GALNT2: variants seen among roughly 807,000 people sequenced by gnomAD.
The protein encoded by GALNT2 is polypeptide N-acetylgalactosaminyltransferase 2, also known as UDP-GalNAc:polypeptide N-acetylgalactosaminyltransferase 2.
In GALNT2, 31 loss-of-function variants were observed where a neutral mutation model predicts 81.4. That is an observed-to-expected ratio of 0.38 (90% CI 0.29 to 0.51). The LOEUF is 0.51. GALNT2 is among the 20% of genes least tolerant of loss of function. The pLI, the probability that GALNT2 is intolerant of heterozygous loss-of-function variation, is 0.87. For synonymous variants in GALNT2, 303 were observed against 287.4 expected (o/e 1.05, Z -0.55); for missense variants, 629 against 765.7 (o/e 0.82, Z 2.11).
At chr1:230,187,627 A>G (rs1433713103) in intron 2 of GALNT2, among the ~76,000 whole-genome samples, 3 of 152,058 alleles carry the variant, frequency 2.0e-5, no homozygotes, top group Non-Finnish European at 2.9e-5. Flanking sequence ...TTTTGCATCC[A>G]CCCTCTTGGT....
intron 7 of GALNT2, among the ~76,000 whole-genome samples, chr1:230,244,941 T>C (rs1665318053): frequency 6.6e-6 from 1 of 152,224 alleles, no homozygotes; most frequent in African/African-American, 2.4e-5. Context: ...GTTGTATTTC[T>C]AAATCTTTCT....
At chr1:230,258,507 G>A (rs1232064383) in intron 11 of GALNT2, among the ~76,000 whole-genome samples, 1 of 152,138 alleles carries the variant, frequency 6.6e-6, no homozygotes, top group Non-Finnish European at 1.5e-5. Flanking sequence ...TTATAGACGT[G>A]AGCCACCGTG....
chr1:230,221,469 G>A (rs1664544700), intron 3 of GALNT2, among the ~76,000 whole-genome samples: 1 of 152,136 alleles, frequency 6.6e-6, no homozygotes, highest in Non-Finnish European at 1.5e-5. Flanking sequence ...CTTTATTTTA[G>A]GTTTTGAATG....
chr1:230,061,343 G>C (rs1007499732), intron 1 of GALNT2, among the ~76,000 whole-genome samples: 1 of 151,644 alleles, frequency 6.6e-6, no homozygotes, highest in Non-Finnish European at 1.5e-5. Context: ...GAAAAGCCTA[G>C]CTCCCCAAAA....
In GALNT2 at chr1:230,138,540, A is replaced by AAAG. The variant is rs1553260245; in HGVS notation, c.127-39676_127-39675insGAA. ...ACTCTGTCTCAAAAAAAAAAAAAAA[A>AAAG]AAAATGAAACAGAAGAAAGAATGGC... On this transcript the variant is annotated intron_variant, in intron 1 of 15. Coordinates refer to ENST00000366672, the MANE Select transcript of GALNT2 (RefSeq NM_004481.5). Among the ~76,000 whole-genome samples, 122 of 150,300 alleles carry AAAG rather than the reference A, an allele frequency of 8.1e-4. 2 individuals carry two copies. The highest frequency in any genetic ancestry group is 2.7e-3 in the African/African-American group (111 of 40,394).
chr1:230,113,276 G>A lies in GALNT2; in HGVS notation c.126+45870G>A, dbSNP rs554914276. The stretch of plus-strand genomic sequence containing the variant: ...GAGAGTGAGGAGCTGCTGAAAAAGG[G>A]TGAGTTTTGTTCTCTTCTTCCAGGG... On this transcript the variant is annotated intron_variant, in intron 1 of 15. Transcript: ENST00000366672. 2.6e-5 allele frequency among the ~76,000 whole-genome samples: 4 copies of A among 152,218 alleles called. No homozygotes were observed. The South Asian group carries it at 8.3e-4, about 32-fold the overall frequency.
intron 1 of GALNT2, among the ~76,000 whole-genome samples, chr1:230,124,354 C>T (rs757948169): frequency 5.3e-5 from 8 of 152,158 alleles, no homozygotes; most frequent in Admixed American, 2.0e-4. Flanking sequence ...GTCTATCACC[C>T]GCAAGAGCCC....
intron 1 of GALNT2, among the ~76,000 whole-genome samples, chr1:230,175,907 C>T (rs1036655863): frequency 6.6e-6 from 1 of 151,864 alleles, no homozygotes; most frequent in South Asian, 2.1e-4. Context: ...CATAAAGGGC[C>T]AGATTTAGCT....
upstream of GALNT2, among the ~76,000 whole-genome samples, chr1:230,063,041 G>A (rs570133193): frequency 1.3e-5 from 2 of 151,982 alleles, no homozygotes; most frequent in African/African-American, 4.8e-5. Context: ...GGCTGGGCGC[G>A]GTGGCTCACA....
chr1:230,254,511 A>C (rs1205788314), intron 10 of GALNT2, among the ~76,000 whole-genome samples: 1 of 152,162 alleles, frequency 6.6e-6, no homozygotes, highest in African/African-American at 2.4e-5. Flanking sequence ...CATAGTCCAT[A>C]AGGCAGTCCC....
intron 1 of GALNT2, among the ~76,000 whole-genome samples, chr1:230,081,584 C>G (rs1659731056): frequency 6.6e-6 from 1 of 152,144 alleles, no homozygotes; most frequent in African/African-American, 2.4e-5. Context: ...AGATGAGTGA[C>G]AAGTGGAAGA....
chr1:230,271,395 C>G lies in GALNT2; in HGVS notation c.1441-3050C>G, dbSNP rs887262360. On this transcript the variant is annotated intron_variant, in intron 14 of 15. Transcript: ENST00000366672. This position sits in a 1 kb window ranked among gnomAD's most constrained non-coding sequence, Gnocchi z 4.2. ...CACCAGCCCTGTGGGCTTTTCCCCC[C>G]ACACCAAGCAATTCTCCAATTCTCC... 6.6e-6 allele frequency among the ~76,000 whole-genome samples: 1 copy of G among 152,200 alleles called. No homozygotes were observed. Among genetic ancestry groups the G allele is most frequent in the South Asian group, 2.1e-4 (1 of 4,832 alleles).
intron 3 of GALNT2, among the ~76,000 whole-genome samples, chr1:230,233,672 A>C (rs556796675): frequency 8.5e-5 from 13 of 152,306 alleles, no homozygotes; most frequent in Non-Finnish European, 1.3e-4. Context: ...CCTGGAAGGC[A>C]TAAGAGTGAA....
At chr1:230,262,791 A>G (rs1665918353) in intron 12 of GALNT2, 126 bp downstream of exon 12, 4 of 1,295,106 alleles carry the variant, frequency 3.1e-6, no homozygotes, top group Non-Finnish European at 4.4e-6. Context: ...GGTTGTGGGC[A>G]CAGGAGCATG....
intron 3 of GALNT2, among the ~76,000 whole-genome samples, chr1:230,229,950 A>G (rs1445086354): frequency 2.6e-5 from 4 of 152,254 alleles, no homozygotes; most frequent in Non-Finnish European, 5.9e-5. Context: ...GGATTGAGGT[A>G]AGGGCTGTAA....
intron 8 of GALNT2, among the ~76,000 whole-genome samples, chr1:230,247,614 C>T (rs1029438554): frequency 2.0e-5 from 3 of 151,832 alleles, no homozygotes; most frequent in Admixed American, 6.6e-5. Flanking sequence ...TGTATTTCCC[C>T]AAGTATTCGA....
intron 1 of GALNT2, among the ~76,000 whole-genome samples, chr1:230,135,795 C>G (rs1227754794): frequency 6.6e-6 from 1 of 152,130 alleles, no homozygotes; most frequent in Admixed American, 6.5e-5. Context: ...AAGCAATCCT[C>G]TTGCTTCACC....
intron 1 of GALNT2, among the ~76,000 whole-genome samples, chr1:230,098,587 C>T (rs568759919): frequency 2.0e-5 from 3 of 151,946 alleles, no homozygotes; most frequent in South Asian, 2.1e-4. Context: ...GGGAGCCCCA[C>T]GCCATTACCC....
chr1:230,067,544 T>G, intron 1 of GALNT2, 138 bp downstream of exon 1: 6 of 286,190 alleles, frequency 2.1e-5, no homozygotes, highest in South Asian at 1.7e-4. Context: ...GTCCCGGGCC[T>G]CCGCGCCGAG....
Sources: allele counts gnomAD v4.1 joint callset (sites outside exome capture counted in the v4.1 genomes callset), GRCh38; gene constraint gnomAD v4.1.1; non-coding constraint Gnocchi (gnomAD v3.1); transcripts MANE v1.5; gene names NCBI Gene and HGNC (gene_info 2026-07-23, HGNC 2026-07-21).